Variants in EXOC6 observed in about 807,000 individuals in gnomAD.
EXOC6 encodes SEC15-like 1.
EXOC6 carries 60 observed loss-of-function variants against 112.5 expected under a neutral mutation model. The observed-to-expected ratio is 0.53, with a 90% CI of 0.43 to 0.66. The LOEUF (loss-of-function observed/expected upper bound fraction) is 0.66, where lower values mean the gene tolerates loss of function less well. Ranked by LOEUF, EXOC6 falls within the 30% of genes least tolerant of loss-of-function variation. The pLI is 0.00. For synonymous variants in EXOC6, 295 were observed against 308.0 expected (o/e 0.96, Z 0.44); for missense variants, 855 against 957.1 (o/e 0.89, Z 1.41).
chr10:92,958,039 A>G (rs1326685047), intron 17 of EXOC6, among the ~76,000 whole-genome samples: 3 of 152,208 alleles, frequency 2.0e-5, no homozygotes, highest in Admixed American at 6.5e-5. Flanking sequence ...CAAAAACTGC[A>G]TATGCACACA....
At chr10:92,938,892 A>G (rs552127916) in intron 12 of EXOC6, among the ~76,000 whole-genome samples, 12 of 152,272 alleles carry the variant, frequency 7.9e-5, no homozygotes, top group Middle Eastern at 6.8e-3. Context: ...GGAAGGCTAT[A>G]CAGAAAGTTG....
chr10:92,933,404 C>T (rs1852165981), intron 9 of EXOC6, among the ~76,000 whole-genome samples: 1 of 152,096 alleles, frequency 6.6e-6, no homozygotes, highest in African/African-American at 2.4e-5. Flanking sequence ...AAAAATTTGA[C>T]TACATACTAT....
At chr10:92,843,458 A>G (rs1846931386) in intron 1 of EXOC6, among the ~76,000 whole-genome samples, 1 of 152,246 alleles carries the variant, frequency 6.6e-6, no homozygotes, top group Non-Finnish European at 1.5e-5. Context: ...AAAACTCTTT[A>G]AGAAACATTT....
Position 92,896,107 on chromosome 10 carries a change from A to G in EXOC6, c.412+1087A>G, listed in dbSNP as rs1215883623. 2.3e-4 allele frequency among the ~76,000 whole-genome samples: 18 copies of G among 79,076 alleles called. 1 individual carries two copies. The highest frequency in any genetic ancestry group is 8.6e-4 in the African/African-American group (16 of 18,538). The allele number at this position is 79,076 out of a possible 152,430, so 51.9% of individuals were successfully genotyped here. A position where few individuals can be genotyped will look rare whatever the true frequency, so the allele number is the denominator to read the frequency against. On this transcript the variant is annotated intron_variant, in intron 4 of 21. Transcript: ENST00000260762. ...TGTATATATATATGTGTGTATATAT[A>G]TGTGTATATATATGTGTGTGTGTGT...
upstream of EXOC6, among the ~76,000 whole-genome samples, chr10:92,844,407 G>A (rs1846979567): frequency 6.6e-6 from 1 of 152,062 alleles, no homozygotes; most frequent in South Asian, 2.1e-4. Flanking sequence ...TGCTCCCAAG[G>A]ACAACGAAAG....
At chr10:92,906,398 ACT>A (rs1447603529) in intron 5 of EXOC6, among the ~76,000 whole-genome samples, 1 of 152,160 alleles carries the variant, frequency 6.6e-6, no homozygotes, top group Non-Finnish European at 1.5e-5. Flanking sequence ...GGTAGGACAA[ACT>A]CTGGTGAAAT....
chr10:92,848,448 C>A, upstream of EXOC6: 1 of 1,033,836 alleles, frequency 9.7e-7, no homozygotes, highest in Non-Finnish European at 1.2e-6. Flanking sequence ...GCCCCCGCCC[C>A]GCCCCTTCGC....
intron 20 of EXOC6, among the ~76,000 whole-genome samples, chr10:93,040,645 T>C (rs572171487): frequency 8.5e-5 from 13 of 152,364 alleles, no homozygotes; most frequent in Admixed American, 3.9e-4. Context: ...TGATTATTCT[T>C]ATTTTCACAT....
chr10:92,963,795 A>G (rs1479763533), intron 17 of EXOC6, among the ~76,000 whole-genome samples: 1 of 152,120 alleles, frequency 6.6e-6, no homozygotes, highest in Non-Finnish European at 1.5e-5. Context: ...ACCCAGCAAG[A>G]TAATCTTTTA....
chr10:93,014,863 C>CGATA (rs1844427664), intron 20 of EXOC6, among the ~76,000 whole-genome samples: 1 of 152,102 alleles, frequency 6.6e-6, no homozygotes, highest in Non-Finnish European at 1.5e-5. Context: ...TCTGACATAT[C>CGATA]TATTGTCGTT....
At position 92,954,613 on chromosome 10, in the gene EXOC6, T is replaced by G. The variant is rs778474730; in HGVS notation, c.1527-17T>G. On this transcript the variant is annotated splice_polypyrimidine_tract_variant and intron_variant, in intron 15 of 21. Coordinates refer to ENST00000260762, the MANE Select transcript of EXOC6 (RefSeq NM_019053.6). Reference sequence around the variant, plus strand: ...TCATTATTTATTAAGTTTAATAATATCAATCTTTGTTTTTAGCTCAACAGA... The same window carrying G: ...TCATTATTTATTAAGTTTAATAATAGCAATCTTTGTTTTTAGCTCAACAGA... The G allele has an allele frequency of 1.6e-6, 2 of 1,273,756 alleles. No individual in the cohort carries two copies. The highest frequency in any genetic ancestry group is 2.3e-6 in the Non-Finnish European group (2 of 882,980). 78.9% of individuals were successfully genotyped at this position (1,273,756 alleles called of 1,614,324 possible).
At chr10:92,917,577 T>C (rs898668439) in intron 7 of EXOC6, among the ~76,000 whole-genome samples, 4 of 151,080 alleles carry the variant, frequency 2.6e-5, no homozygotes, top group African/African-American at 9.7e-5. Context: ...TGCCCGTGAG[T>C]GCAGTGGTAC....
chr10:93,053,187 ACT>A (rs1265254872), intron 20 of EXOC6, among the ~76,000 whole-genome samples: 2 of 152,092 alleles, frequency 1.3e-5, no homozygotes, highest in African/African-American at 4.8e-5. Flanking sequence ...TACCCATCAC[ACT>A]CTGACTCCAA....
chr10:92,966,718 T>C (rs2134061093), intron 17 of EXOC6, among the ~76,000 whole-genome samples: 1 of 147,256 alleles, frequency 6.8e-6, no homozygotes, highest in South Asian at 2.2e-4. Context: ...TTCCAAGTCT[T>C]TGCTATTGTG....
intron 20 of EXOC6, among the ~76,000 whole-genome samples, chr10:93,052,523 C>A (rs1029401518): frequency 6.6e-6 from 1 of 152,202 alleles, no homozygotes; most frequent in Admixed American, 6.5e-5. Flanking sequence ...TGTTGGCATA[C>A]ACCCACTTTA....
intron 11 of EXOC6, among the ~76,000 whole-genome samples, chr10:92,935,142 A>G (rs2133957336): frequency 6.6e-6 from 1 of 152,182 alleles, no homozygotes; most frequent in East Asian, 1.9e-4. Context: ...AAGATTATAA[A>G]TAAGCTGCAT....
At chr10:92,830,811 G>GT (rs1846462815), upstream of EXOC6, among the ~76,000 whole-genome samples, 1 of 152,210 alleles carries the variant, frequency 6.6e-6, no homozygotes, top group Admixed American at 6.5e-5. Context: ...TAGTCAAAGA[G>GT]TTTGAGCTGC....
At chr10:93,039,675 A>C (rs1845672543) in intron 20 of EXOC6, among the ~76,000 whole-genome samples, 1 of 152,224 alleles carries the variant, frequency 6.6e-6, no homozygotes, top group African/African-American at 2.4e-5. Context: ...TTATTCAATG[A>C]AATTAAGTAG....
At chr10:92,995,145 G>T (rs1318442171) in intron 18 of EXOC6, among the ~76,000 whole-genome samples, 1 of 151,800 alleles carries the variant, frequency 6.6e-6, no homozygotes, top group African/African-American at 2.4e-5. Context: ...CTAATCAAAA[G>T]AAATTCAATG....
Sources: gnomAD v4.1 joint callset for allele counts (sites outside exome capture counted in the v4.1 genomes callset) on GRCh38, gnomAD v4.1.1 for gene constraint, MANE v1.5 for transcripts, NCBI Gene and HGNC (gene_info 2026-07-23, HGNC 2026-07-21) for gene names.